TNKS: variants seen among roughly 807,000 people sequenced by gnomAD.
The protein encoded by TNKS is tankyrase, also known as poly [ADP-ribose] polymerase tankyrase-1.
Under a neutral mutation model 135.8 loss-of-function variants are expected in TNKS, and 72 were observed. That is an observed-to-expected ratio of 0.53 (90% confidence interval 0.44 to 0.64). The LOEUF is 0.64. Ranked by LOEUF, TNKS falls within the 30% of genes least tolerant of loss-of-function variation. The pLI, the probability that TNKS is intolerant of heterozygous loss-of-function variation, is 0.00. For missense variants in TNKS, 1,769 were observed against 1,674.0 expected (o/e 1.06, Z -0.99); for synonymous variants, 849 against 649.3 (o/e 1.31, Z -4.68).
chr8:9,751,803 T>C lies in TNKS; in HGVS notation c.3027T>C (p.Asn1009=). ...AGTTGGCCGTAGGAGGAGCCTCCAA[T>C]GCAGGGGATGGCGCCGCGGGAACAG... ...LAELAVGGAS[N]AGDGAAGTER... Residue 1009 remains asparagine, a synonymous_variant, in exon 19 of 27, where the codon AAT becomes AAC. Transcript: ENST00000310430. 1 of 1,614,098 alleles carries C rather than the reference T, an allele frequency of 6.2e-7. No individual in the cohort carries two copies. Among genetic ancestry groups the C allele is most frequent in the Non-Finnish European group, 8.5e-7 (1 of 1,180,022 alleles).
chr8:9,765,818 G>A (rs368048500), intron 24 of TNKS, 21 bp downstream of exon 24: 105 of 1,598,852 alleles, frequency 6.6e-5, no homozygotes, highest in Non-Finnish European at 8.1e-5. Context: ...TGGCAGGGAC[G>A]GTGGACGTCT....
At chr8:9,771,241 A>AGAAG (rs1807818906) in intron 26 of TNKS, among the ~76,000 whole-genome samples, 1 of 107,614 alleles carries the variant, frequency 9.3e-6, no homozygotes, top group Non-Finnish European at 2.0e-5. Context: ...GAGCGAGGAA[A>AGAAG]GGAGGGAGGG....
At chr8:9,602,415 C>G (rs1365921001) in intron 2 of TNKS, among the ~76,000 whole-genome samples, 1 of 152,178 alleles carries the variant, frequency 6.6e-6, no homozygotes, top group Admixed American at 6.5e-5. Flanking sequence ...GCAGAAAGCC[C>G]ACGCCTCCTC....
chr8:9,773,637 C>T (rs1585457974), intron 26 of TNKS, among the ~76,000 whole-genome samples: 1 of 152,058 alleles, frequency 6.6e-6, no homozygotes, highest in East Asian at 1.9e-4. Context: ...AATTAACCAT[C>T]TCCCAGGTAA....
At chr8:9,774,020 G>C (rs1433371161) in intron 26 of TNKS, among the ~76,000 whole-genome samples, 2 of 152,150 alleles carry the variant, frequency 1.3e-5, no homozygotes, top group South Asian at 2.1e-4. Context: ...TTGAGTAGTA[G>C]TATTCGTTAT....
At position 9,776,793 on chromosome 8, in the gene TNKS, G is replaced by C; in HGVS notation, c.*57G>C. Reference sequence around the variant, plus strand: ...TTCAACCTGGGACTGGATTACAGAGGATTGTTTCTAATAACAACATCAATA... The same window carrying C: ...TTCAACCTGGGACTGGATTACAGAGCATTGTTTCTAATAACAACATCAATA... On this transcript the variant is annotated 3_prime_UTR_variant, in exon 27 of 27. Coordinates refer to ENST00000310430, the MANE Select transcript of TNKS (RefSeq NM_003747.3). 2.0e-6 allele frequency: 3 copies of C among 1,516,974 alleles called. No individual in the cohort carries two copies. Among genetic ancestry groups the C allele is most frequent in the Non-Finnish European group, 2.7e-6 (3 of 1,094,330 alleles). 94.0% of individuals were successfully genotyped at this position (1,516,974 alleles called of 1,614,324 possible). A position where few individuals can be genotyped will look rare whatever the true frequency, so the allele number is the denominator to read the frequency against.
intron 2 of TNKS, among the ~76,000 whole-genome samples, chr8:9,609,792 A>C (rs1799377123): frequency 6.6e-6 from 1 of 152,216 alleles, no homozygotes; most frequent in Non-Finnish European, 1.5e-5. Flanking sequence ...GTGCCATTTG[A>C]ATTCTAATTT....
intron 3 of TNKS, among the ~76,000 whole-genome samples, chr8:9,665,424 T>C (rs1273552003): frequency 1.3e-5 from 2 of 152,242 alleles, no homozygotes; most frequent in South Asian, 4.1e-4. Context: ...GATTTACTTT[T>C]TCTGTTTTTT....
At chr8:9,747,258 T>G (rs1806284470) in intron 17 of TNKS, among the ~76,000 whole-genome samples, 1 of 138,536 alleles carries the variant, frequency 7.2e-6, no homozygotes. Context: ...TCCCCCCTCC[T>G]TCCCCCCCTC....
chr8:9,589,777 C>G (rs1036310680), intron 2 of TNKS, among the ~76,000 whole-genome samples: 1 of 152,230 alleles, frequency 6.6e-6, no homozygotes, highest in Non-Finnish European at 1.5e-5. Context: ...TTTTGGATCC[C>G]TTCGAAAATT....
intron 6 of TNKS, 22 bp from the exon 7 acceptor site, chr8:9,706,165 T>A: frequency 6.5e-7 from 1 of 1,546,098 alleles, no homozygotes; most frequent in Non-Finnish European, 8.7e-7. Flanking sequence ...TTAAGTATTT[T>A]AATTTGCCTC....
chr8:9,575,520 A>T (rs1189993811), intron 1 of TNKS: 3 of 642,768 alleles, frequency 4.7e-6, no homozygotes, highest in Non-Finnish European at 5.8e-6. Context: ...TTCAACTCAC[A>T]CCATAGTTAC....
At chr8:9,575,061 G>C in intron 1 of TNKS, 1 of 985,282 alleles carries the variant, frequency 1.0e-6, no homozygotes. Flanking sequence ...TTGACAAATT[G>C]TGTGAGACAA....
chr8:9,657,920 C>A (rs1252900084), intron 3 of TNKS, among the ~76,000 whole-genome samples: 2 of 98,228 alleles, frequency 2.0e-5, no homozygotes, highest in Non-Finnish European at 2.2e-5. Flanking sequence ...CCTCACTTCT[C>A]AGACGGGGCG....
chr8:9,705,071 A>G (rs1311732792), intron 6 of TNKS, among the ~76,000 whole-genome samples: 2 of 152,226 alleles, frequency 1.3e-5, no homozygotes, highest in Non-Finnish European at 2.9e-5. Flanking sequence ...GAAAATTATG[A>G]AAATCCAGTA....
chr8:9,602,749 A>G (rs574363699), intron 2 of TNKS, among the ~76,000 whole-genome samples: 2 of 152,360 alleles, frequency 1.3e-5, no homozygotes, highest in South Asian at 4.1e-4. Context: ...TAGAAAAGAA[A>G]TGTGATACCA....
chr8:9,774,692 C>T (rs1396950751), intron 26 of TNKS, among the ~76,000 whole-genome samples: 2 of 152,008 alleles, frequency 1.3e-5, no homozygotes, highest in Admixed American at 6.5e-5. Context: ...CATTAGGAAC[C>T]GGGAGCATTT....
intron 3 of TNKS, among the ~76,000 whole-genome samples, chr8:9,666,174 A>G (rs1801977661): frequency 6.6e-6 from 1 of 152,188 alleles, no homozygotes; most frequent in Admixed American, 6.5e-5. Flanking sequence ...GTCCAGCACA[A>G]AGCCACTCGT....
intron 2 of TNKS, among the ~76,000 whole-genome samples, chr8:9,585,915 A>C (rs1401400742): frequency 6.6e-6 from 1 of 152,180 alleles, no homozygotes; most frequent in Non-Finnish European, 1.5e-5. Flanking sequence ...TAGTGGTTGG[A>C]GTCAAAGAGA....
Sources: gnomAD v4.1 joint callset for allele counts (sites outside exome capture counted in the v4.1 genomes callset) on GRCh38, gnomAD v4.1.1 for gene constraint, MANE v1.5 for transcripts, NCBI Gene and HGNC (gene_info 2026-07-23, HGNC 2026-07-21) for gene names.